The following GPC6 variants were observed in gnomAD, a reference collection of about 807,000 sequenced individuals.
The protein encoded by GPC6 is glypican 6.
A neutral mutation model predicts 55.2 loss-of-function variants in GPC6; 14 were observed. The ratio of observed to expected loss-of-function variants is 0.25; its 90% CI spans 0.17 to 0.40. The LOEUF (loss-of-function observed/expected upper bound fraction) is 0.40, where lower values mean the gene tolerates loss of function less well. Among genes scored for constraint, GPC6 ranks in the 10% least tolerant of loss-of-function variants. The probability of loss-of-function intolerance (pLI) is 1.00; values close to 1 mark genes in which losing one functional copy is unlikely to be tolerated. For synonymous variants in GPC6, 278 were observed against 259.6 expected (o/e 1.07, Z -0.68); for missense variants, 641 against 708.5 (o/e 0.90, Z 1.08).
At chr13:93,765,569 C>T (rs1885107478) in intron 2 of GPC6, among the ~76,000 whole-genome samples, 3 of 152,090 alleles carry the variant, frequency 2.0e-5, no homozygotes. Flanking sequence ...GAAGTCAAAA[C>T]TTTGTCACAG....
intron 1 of GPC6, among the ~76,000 whole-genome samples, chr13:93,238,328 G>C (rs1876310125): frequency 6.6e-6 from 1 of 151,884 alleles, no homozygotes; most frequent in Non-Finnish European, 1.5e-5. Flanking sequence ...AAATTTTATT[G>C]TTTTGCAGCT....
intron 1 of GPC6, among the ~76,000 whole-genome samples, chr13:93,344,032 A>G (rs1880350819): frequency 6.6e-6 from 1 of 152,190 alleles, no homozygotes; most frequent in Admixed American, 6.5e-5. Flanking sequence ...TTGGGATTTG[A>G]TGACTTTAAC....
At chr13:93,377,640 T>C (rs1436391661) in intron 1 of GPC6, among the ~76,000 whole-genome samples, 1 of 152,240 alleles carries the variant, frequency 6.6e-6, no homozygotes, top group African/African-American at 2.4e-5. Context: ...TTGTTAATGC[T>C]GTGGTTCCTT....
intron 6 of GPC6, among the ~76,000 whole-genome samples, chr13:94,378,412 G>A (rs1053282288): frequency 1.3e-5 from 2 of 152,144 alleles, no homozygotes; most frequent in African/African-American, 4.8e-5. Context: ...CTGGTCATTG[G>A]CTTTGCTATT....
At chr13:93,567,798 G>T (rs1473744954) in intron 2 of GPC6, among the ~76,000 whole-genome samples, 2 of 152,098 alleles carry the variant, frequency 1.3e-5, no homozygotes, top group African/African-American at 4.8e-5. Context: ...TTGGTCAACA[G>T]ATATTTGCTT....
In GPC6 at chr13:93,231,403, A is replaced by G. The variant is rs1242986810; in HGVS notation, c.160+3787A>G. ...TACATATATATATATATATGTATAT[A>G]TATATATATATATATATATACGTAT... On this transcript the variant is annotated intron_variant, in intron 1 of 8. Coordinates refer to ENST00000377047, the MANE Select transcript of GPC6 (RefSeq NM_005708.5). 4.5e-3 allele frequency among the ~76,000 whole-genome samples: 146 copies of G among 32,252 alleles called. 3 individuals carry two copies. The highest frequency in any genetic ancestry group is 0.019 in the African/African-American group (132 of 7,058). The allele number at this position is 32,252 out of a possible 152,430, so 21.2% of individuals were successfully genotyped here.
intron 3 of GPC6, among the ~76,000 whole-genome samples, chr13:93,947,748 T>TC (rs2140369622): frequency 6.6e-6 from 1 of 152,220 alleles, no homozygotes; most frequent in African/African-American, 2.4e-5. Context: ...CTTTTTTTTT[T>TC]CGCCACCACA....
intron 3 of GPC6, among the ~76,000 whole-genome samples, chr13:93,973,480 C>G (rs1880378595): frequency 6.6e-6 from 1 of 151,734 alleles, no homozygotes; most frequent in Non-Finnish European, 1.5e-5. Flanking sequence ...AATCAGATGC[C>G]CTTTGATACA....
intron 1 of GPC6, among the ~76,000 whole-genome samples, chr13:93,361,804 A>T (rs1881051405): frequency 6.6e-6 from 1 of 152,146 alleles, no homozygotes; most frequent in Admixed American, 6.5e-5. Context: ...GGACCTTAAA[A>T]ACCCGACTTC....
chr13:94,242,211 T>G (rs1891075896), intron 4 of GPC6, among the ~76,000 whole-genome samples: 1 of 152,068 alleles, frequency 6.6e-6, no homozygotes, highest in African/African-American at 2.4e-5. Flanking sequence ...GAATGATGGT[T>G]TCCAGCTTCA....
intron 3 of GPC6, among the ~76,000 whole-genome samples, chr13:93,864,224 T>C (rs1329257091): frequency 6.6e-6 from 1 of 151,714 alleles, no homozygotes; most frequent in Admixed American, 6.6e-5. Context: ...ATGTACTAGT[T>C]AAGTATAAGA....
chr13:93,987,012 G>T (rs1881060507), intron 3 of GPC6, among the ~76,000 whole-genome samples: 1 of 152,074 alleles, frequency 6.6e-6, no homozygotes, highest in Non-Finnish European at 1.5e-5. Flanking sequence ...GGGTATCATT[G>T]TGTCTAGAAT....
At chr13:93,504,455 A>G (rs951600396) in intron 1 of GPC6, among the ~76,000 whole-genome samples, 3 of 150,188 alleles carry the variant, frequency 2.0e-5, no homozygotes, top group African/African-American at 4.9e-5. Context: ...TATTCTGCCA[A>G]CACATTATAA....
At chr13:93,509,487 C>G (rs576282919) in intron 1 of GPC6, among the ~76,000 whole-genome samples, 30 of 152,310 alleles carry the variant, frequency 2.0e-4, no homozygotes, top group African/African-American at 7.2e-4. Context: ...GGTCTGAGAA[C>G]AAGCCTTGTG....
At chr13:94,050,874 T>A (rs185187946) in intron 4 of GPC6, among the ~76,000 whole-genome samples, 314 of 152,210 alleles carry the variant, frequency 2.1e-3, no homozygotes, top group Middle Eastern at 3.4e-3. Context: ...TAAGAGGCAA[T>A]TTGCAACTAG....
chr13:93,263,789 G>A (rs1477333793), intron 1 of GPC6, among the ~76,000 whole-genome samples: 1 of 152,156 alleles, frequency 6.6e-6, no homozygotes, highest in Non-Finnish European at 1.5e-5. Context: ...GTCCTTACAC[G>A]TGCATATTTT....
intron 3 of GPC6, among the ~76,000 whole-genome samples, chr13:93,951,465 G>GATGA (rs541591095): frequency 2.4e-4 from 36 of 152,104 alleles, no homozygotes; most frequent in Admixed American, 5.9e-4. Flanking sequence ...ATGAATAAAT[G>GATGA]ATGAATGAAT....
At chr13:94,067,387 C>G (rs551802288) in intron 4 of GPC6, among the ~76,000 whole-genome samples, 13 of 152,182 alleles carry the variant, frequency 8.5e-5, no homozygotes, top group Admixed American at 3.3e-4. Flanking sequence ...TCCACATCTC[C>G]CATTCCACAT....
At chr13:93,288,903 C>T (rs1878225362) in intron 1 of GPC6, among the ~76,000 whole-genome samples, 1 of 152,140 alleles carries the variant, frequency 6.6e-6, no homozygotes, top group African/African-American at 2.4e-5. Context: ...AATCTTCATA[C>T]AGACCTGTAT....
Sources: gnomAD v4.1 joint callset for allele counts (sites outside exome capture counted in the v4.1 genomes callset) on GRCh38, gnomAD v4.1.1 for gene constraint, MANE v1.5 for transcripts, NCBI Gene and HGNC (gene_info 2026-07-23, HGNC 2026-07-21) for gene names.